Variants in FLT1 observed in about 807,000 individuals in gnomAD.
FLT1 encodes vascular endothelial growth factor receptor 1.
FLT1 carries 49 observed loss-of-function variants against 156.3 expected under a neutral mutation model. The observed-to-expected ratio is 0.31, with a 90% CI of 0.25 to 0.40. FLT1 has a LOEUF of 0.40. FLT1 is among the 10% of genes least tolerant of loss of function. The pLI, the probability that FLT1 is intolerant of heterozygous loss-of-function variation, is 1.00. For synonymous variants in FLT1, 594 were observed against 583.8 expected, an observed-to-expected ratio of 1.02 and a Z score of -0.25; for missense variants, 1,322 against 1,637.2, an observed-to-expected ratio of 0.81 and a Z score of 3.32.
chr13:28,491,644 A>G (rs1881475918), intron 1 of FLT1, among the ~76,000 whole-genome samples: 1 of 152,232 alleles, frequency 6.6e-6, no homozygotes, highest in African/African-American at 2.4e-5. Context: ...TTAGCAGGGG[A>G]AACCCAGTTC....
chr13:28,475,096 T>A (rs796983966), intron 1 of FLT1, among the ~76,000 whole-genome samples: 7 of 152,306 alleles, frequency 4.6e-5, no homozygotes, highest in African/African-American at 1.4e-4. Context: ...TAGTAGAAGT[T>A]TACAAACATG....
At chr13:28,330,646 TA>T (rs959910593) in intron 18 of FLT1, among the ~76,000 whole-genome samples, 1 of 146,860 alleles carries the variant, frequency 6.8e-6, no homozygotes, top group African/African-American at 2.6e-5. Context: ...ATAGTCTATT[TA>T]AAAAATCTAT....
intron 14 of FLT1, among the ~76,000 whole-genome samples, chr13:28,372,697 C>G (rs2137431486): frequency 6.7e-6 from 1 of 149,558 alleles, no homozygotes; most frequent in Admixed American, 6.7e-5. Context: ...TCCTGGCCAA[C>G]ATGGTGAAAC....
rs57304530 is a variant in FLT1 at position 28,357,868 on chromosome 13, C to CTTTTTTTTTTT, written c.2117-194_2117-184dup. Reference sequence around the variant, plus strand: ...CCAGGCTTTCTTTTTCTTTTCTTTCCTTTTTTTTTTTTTTTTTTTTTCTGC... The same window carrying CTTTTTTTTTTT: ...CCAGGCTTTCTTTTTCTTTTCTTTCCTTTTTTTTTTTTTTTTTTTTTTTTTTTTTTTTCTGC... On this transcript the variant is annotated intron_variant, in intron 14 of 29. Coordinates refer to ENST00000282397, the MANE Select transcript of FLT1 (RefSeq NM_002019.4). Among the ~76,000 whole-genome samples, 20 of 104,724 alleles carry CTTTTTTTTTTT rather than the reference C, an allele frequency of 1.9e-4. 1 individual carries two copies. The highest frequency in any genetic ancestry group is 6.3e-4 in the African/African-American group (17 of 26,970). The allele number at this position is 104,724 out of a possible 152,430, so 68.7% of individuals were successfully genotyped here. A position where few individuals can be genotyped will look rare whatever the true frequency, so the allele number is the denominator to read the frequency against.
At chr13:28,378,608 A>C (rs1593723690) in intron 14 of FLT1, among the ~76,000 whole-genome samples, 2 of 152,020 alleles carry the variant, frequency 1.3e-5, no homozygotes, top group East Asian at 1.9e-4. Context: ...TTTCCTCTCT[A>C]TGTCTCAGCT....
intron 29 of FLT1, among the ~76,000 whole-genome samples, chr13:28,304,237 G>A (rs141585711): frequency 7.2e-5 from 11 of 152,262 alleles, no homozygotes; most frequent in African/African-American, 2.6e-4. Context: ...GTGTTCCAAA[G>A]TAGGAAACAA....
Position 28,345,459 on chromosome 13 carries a change from G to A in FLT1, c.2341C>T (p.Arg781Ter), listed in dbSNP as rs1244106213. 5 of 1,603,250 alleles carry A rather than the reference G, an allele frequency of 3.1e-6. No individual in the cohort carries two copies. Among genetic ancestry groups the A allele is most frequent in the Non-Finnish European group, 3.4e-6 (4 of 1,170,966 alleles). Residue 781 changes from arginine (R) to a stop codon, truncating the protein, a stop_gained, in exon 16 of 30, where the codon CGA (arginine) becomes TGA (stop). Transcript: ENST00000282397. LOFTEE classifies it high-confidence loss of function. ...TATGTTCTTACCCTTTTCATTTTTC[G>A]GATAAAGAGGGTTAATAGGAGCCAG... ...LFWLLLTLFIRKMKRSSSEIK... is the reference protein window; with the variant it reads ...LFWLLLTLFI
At chr13:28,416,870 C>T (rs1593768270) in intron 10 of FLT1, among the ~76,000 whole-genome samples, 2 of 152,096 alleles carry the variant, frequency 1.3e-5, no homozygotes, top group South Asian at 4.1e-4. Flanking sequence ...ATATAATTTT[C>T]AATGATGATG....
chr13:28,348,339 CAAATCCTT>C (rs1026305279), intron 15 of FLT1, among the ~76,000 whole-genome samples: 6 of 152,160 alleles, frequency 3.9e-5, no homozygotes, highest in African/African-American at 1.2e-4. Flanking sequence ...GATAAAAGTC[CAAATCCTT>C]AAATCCTTTA....
chr13:28,355,645 G>A (rs1872872140), intron 15 of FLT1, among the ~76,000 whole-genome samples: 1 of 152,212 alleles, frequency 6.6e-6, no homozygotes, highest in African/African-American at 2.4e-5. Context: ...AATAGGGAAT[G>A]GAGCCTACTC....
At position 28,303,024 on chromosome 13, in the gene FLT1, A is replaced by G; in HGVS notation, c.*143T>C. ...TCTTGTTAGTCAAAAAAAAAAAAGC[A>G]CTATTAAAAAAATCACAAAAAGCAG... On this transcript the variant is annotated 3_prime_UTR_variant, in exon 30 of 30. Coordinates refer to ENST00000282397, the MANE Select transcript of FLT1 (RefSeq NM_002019.4). The G allele has an allele frequency of 1.5e-6, 1 of 668,512 alleles. No homozygotes were observed. The highest frequency in any genetic ancestry group is 2.5e-6 in the Non-Finnish European group (1 of 397,790). 41.4% of individuals were successfully genotyped at this position (668,512 alleles called of 1,614,324 possible).
intron 1 of FLT1, among the ~76,000 whole-genome samples, chr13:28,476,695 C>T (rs942423668): frequency 5.3e-5 from 8 of 152,108 alleles, no homozygotes; most frequent in African/African-American, 1.9e-4. Context: ...ATAGAAAATT[C>T]AAAATAGTCA....
At chr13:28,368,330 T>C (rs1315106261) in intron 14 of FLT1, 10 of 674,316 alleles carry the variant, frequency 1.5e-5, no homozygotes, top group Non-Finnish European at 2.0e-5. Flanking sequence ...TTTTGTATTT[T>C]TAATAGAGAC....
chr13:28,471,661 G>C (rs1339747890), intron 1 of FLT1, among the ~76,000 whole-genome samples: 1 of 152,122 alleles, frequency 6.6e-6, no homozygotes, highest in Non-Finnish European at 1.5e-5. Flanking sequence ...AAACCTACAG[G>C]CTATTTCATT....
intron 3 of FLT1, among the ~76,000 whole-genome samples, chr13:28,440,996 A>T (rs921959051): frequency 9.2e-5 from 14 of 152,132 alleles, no homozygotes; most frequent in African/African-American, 3.4e-4. Context: ...TTCTAAAATA[A>T]TAATTAGTCA....
chr13:28,322,249 C>G lies in FLT1; in HGVS notation c.3051+13G>C. 6.5e-7 allele frequency: 1 copy of G among 1,533,642 alleles called. No individual in the cohort carries two copies. Among genetic ancestry groups the G allele is most frequent in the Non-Finnish European group, 9.0e-7 (1 of 1,106,642 alleles). On this transcript the variant is annotated intron_variant, in intron 22 of 29. Coordinates refer to ENST00000282397, the MANE Select transcript of FLT1 (RefSeq NM_002019.4). The surrounding 1 kb of genome is among the most constrained non-coding windows in gnomAD (Gnocchi z 4.3). ...CCTGGCAGAGAAGAAAAACAGTAAA[C>G]AGCAAGACTGACCTTTCTGGAAGAC...
rs547191900 is a variant in FLT1 at position 28,358,291 on chromosome 13, A to G, written c.2117-606T>C. Among the ~76,000 whole-genome samples, 22 of 152,346 alleles carry G rather than the reference A, an allele frequency of 1.4e-4. No individual in the cohort carries two copies. The South Asian group carries it at 4.6e-3, about 32-fold the overall frequency. On this transcript the variant is annotated intron_variant, in intron 14 of 29. Transcript: ENST00000282397. ...AAGGCCTGGTGAGTCAATATAGCCT[A>G]GTGATGAAGAGTTTGCCTGGGCTGT...
intron 3 of FLT1, among the ~76,000 whole-genome samples, chr13:28,462,609 A>G (rs1169264026): frequency 6.6e-6 from 1 of 152,230 alleles, no homozygotes; most frequent in Non-Finnish European, 1.5e-5. Context: ...TACCAAGGGT[A>G]TATCCAGAGA....
At position 28,319,580 on chromosome 13, in the gene FLT1, A is replaced by C. The variant is rs1233411051; in HGVS notation, c.3175-46T>G. ...CTTGAGCAGAAGGGCATGAAAACAA[A>C]GCACATTCAACCCGAGTGTCCATGG... On this transcript the variant is annotated intron_variant, in intron 23 of 29. Transcript: ENST00000282397. 6 of 1,163,278 alleles carry C rather than the reference A, an allele frequency of 5.2e-6. No homozygotes were observed. In the African/African-American group the frequency reaches 9.1e-5, roughly 18 times the overall value. 72.1% of individuals were successfully genotyped at this position (1,163,278 alleles called of 1,614,324 possible).
Sources: gnomAD v4.1 joint callset for allele counts (sites outside exome capture counted in the v4.1 genomes callset) on GRCh38, gnomAD v4.1.1 for gene constraint, Gnocchi (gnomAD v3.1) non-coding constraint, MANE v1.5 for transcripts, NCBI Gene and HGNC (gene_info 2026-07-23, HGNC 2026-07-21) for gene names.